The following RIMS1 variants were observed in gnomAD, a reference collection of about 807,000 sequenced individuals.
RIMS1 encodes regulating synaptic membrane exocytosis protein 1.
In RIMS1, 83 loss-of-function variants were observed where a neutral mutation model predicts 214.1. The observed-to-expected ratio is 0.39, with a 90% confidence interval of 0.32 to 0.47. The LOEUF (loss-of-function observed/expected upper bound fraction) is 0.47, where lower values mean the gene tolerates loss of function less well. Ranked by LOEUF, RIMS1 falls within the 20% of genes least tolerant of loss-of-function variation. RIMS1 has a pLI of 0.99. For synonymous variants in RIMS1, 793 were observed against 786.8 expected, an observed-to-expected ratio of 1.01 and a Z score of -0.13; for missense variants, 2,050 against 2,161.8, an observed-to-expected ratio of 0.95 and a Z score of 1.03.
At chr6:72,131,686 G>A (rs2153843221) in intron 4 of RIMS1, among the ~76,000 whole-genome samples, 1 of 152,302 alleles carries the variant, frequency 6.6e-6, no homozygotes, top group Middle Eastern at 3.4e-3. Context: ...CATTGTCATT[G>A]ATAACATCTT....
intron 29 of RIMS1, among the ~76,000 whole-genome samples, chr6:72,347,083 A>G (rs2097291124): frequency 6.6e-6 from 1 of 151,834 alleles, no homozygotes. Flanking sequence ...TCATGTTTAC[A>G]TTTATACCAT....
intron 1 of RIMS1, among the ~76,000 whole-genome samples, chr6:71,961,913 G>A (rs1282680013): frequency 6.6e-6 from 1 of 152,076 alleles, no homozygotes; most frequent in Non-Finnish European, 1.5e-5. Context: ...AAAGCAAATG[G>A]GAGAATGAAT....
chr6:72,267,366 C>A lies in RIMS1; in HGVS notation c.3398+1317C>A, dbSNP rs181283457. ...TCTCAAGTTAGTGGAATCTTCTGACCATAGCAGCCTGACATTTTTAATATT... is the reference window on the plus strand; with the variant it reads ...TCTCAAGTTAGTGGAATCTTCTGACAATAGCAGCCTGACATTTTTAATATT... On this transcript the variant is annotated intron_variant, in intron 22 of 33. Transcript: ENST00000521978. Among the ~76,000 whole-genome samples the A allele has an allele frequency of 3.2e-3, 490 of 152,092 alleles. 3 individuals carry two copies. Among genetic ancestry groups the A allele is most frequent in the African/African-American group, 0.011 (469 of 41,496 alleles).
chr6:72,330,748 G>A (rs987439024), intron 28 of RIMS1, among the ~76,000 whole-genome samples: 2 of 151,798 alleles, frequency 1.3e-5, no homozygotes, highest in East Asian at 3.9e-4. Flanking sequence ...AAATGGGGCA[G>A]TAGAAAGCAT....
Position 72,259,028 on chromosome 6 carries a change from A to T in RIMS1, c.2970A>T (p.Pro990=), listed in dbSNP as rs1442935066. Residue 990 remains proline, a synonymous_variant, in exon 18 of 34, where the codon CCA becomes CCT. Coordinates refer to ENST00000521978, the MANE Select transcript of RIMS1 (RefSeq NM_014989.7). ...EIHPTRRSRS[P]TRHHDASRSP... is the part of the protein sequence containing the mutation. ...ATCCAACAAGAAGGTCACGTTCTCC[A>T]ACCAGACACCATGATGCCTCCCGAA... 1 of 1,612,782 alleles carries T rather than the reference A, an allele frequency of 6.2e-7. No homozygotes were observed. Among genetic ancestry groups the T allele is most frequent in the Admixed American group, 1.7e-5 (1 of 59,962 alleles).
intron 1 of RIMS1, among the ~76,000 whole-genome samples, chr6:71,898,611 A>C (rs1772607860): frequency 6.6e-6 from 1 of 152,142 alleles, no homozygotes; most frequent in Non-Finnish European, 1.5e-5. Flanking sequence ...GCTCACCTGC[A>C]AATACCTGTA....
intron 29 of RIMS1, among the ~76,000 whole-genome samples, chr6:72,345,292 G>A (rs1043977693): frequency 2.6e-5 from 4 of 151,172 alleles, no homozygotes; most frequent in African/African-American, 9.8e-5. Flanking sequence ...CAAAGTCAGT[G>A]TGAAAATGAT....
chr6:72,004,646 C>T (rs1806711530), intron 2 of RIMS1, among the ~76,000 whole-genome samples: 1 of 150,632 alleles, frequency 6.6e-6, no homozygotes, highest in African/African-American at 2.4e-5. Context: ...TTTCATGTGT[C>T]TTTTGGCTGC....
In RIMS1 at chr6:72,331,004, C is replaced by G. The variant is rs185866899; in HGVS notation, c.4131-2596C>G. ...AATCATTTTTCATATAACTTAACCC[C>G]CTCCCAATGATAACACTTGTTATAC... On this transcript the variant is annotated intron_variant, in intron 28 of 33. Coordinates refer to ENST00000521978, the MANE Select transcript of RIMS1 (RefSeq NM_014989.7). 8.2e-4 allele frequency among the ~76,000 whole-genome samples: 125 copies of G among 151,612 alleles called. 1 individual carries two copies. Among genetic ancestry groups the G allele is most frequent in the East Asian group, 1.9e-4 (1 of 5,144 alleles).
At chr6:72,148,331 G>A (rs1357884777) in intron 4 of RIMS1, among the ~76,000 whole-genome samples, 3 of 152,160 alleles carry the variant, frequency 2.0e-5, no homozygotes, top group Non-Finnish European at 2.9e-5. Flanking sequence ...AGGAGGAAAA[G>A]GCATCCCTTT....
At position 72,233,818 on chromosome 6, in the gene RIMS1, G is replaced by A. The variant is rs760384666; in HGVS notation, c.1724G>A (p.Arg575Gln). ...YWLDPATWHS[R>Q]ETSPISSHPV... ...TTGGATCCTGCCACGTGGCACAGCCGGGAGACATCACCTATTAGTTCGGTA... is the reference window on the plus strand; with the variant it reads ...TTGGATCCTGCCACGTGGCACAGCCAGGAGACATCACCTATTAGTTCGGTA... The change falls in exon 7 of 34, where the codon CGG becomes CAG. Residue 575 changes from arginine to glutamine, a missense_variant. Around this residue, in one of 6 missense-constraint regions of RIMS1, gnomAD observed 882 missense variants for 828.9 expected, o/e 1.06. Coordinates refer to ENST00000521978, the MANE Select transcript of RIMS1 (RefSeq NM_014989.7). The A allele has an allele frequency of 2.3e-5, 36 of 1,581,218 alleles. No homozygotes were observed. The African/African-American group carries it at 3.0e-4, about 13-fold the overall frequency.
intron 2 of RIMS1, among the ~76,000 whole-genome samples, chr6:72,024,309 T>G (rs1815658674): frequency 6.6e-6 from 1 of 152,178 alleles, no homozygotes; most frequent in African/African-American, 2.4e-5. Flanking sequence ...ATTGTAGTTT[T>G]CTCTAGCAAG....
Position 72,313,655 on chromosome 6 carries a change from C to A in RIMS1, c.4113C>A (p.Arg1371=). The A allele has an allele frequency of 6.2e-7, 1 of 1,612,710 alleles. No homozygotes were observed. Among genetic ancestry groups the A allele is most frequent in the Non-Finnish European group, 8.5e-7 (1 of 1,179,226 alleles). ...GCTTTATGTCAGAGCAATCTGAGCGCCCCAGGGGTAGAATCAGGTGAGTTG... is the reference window on the plus strand; with the variant it reads ...GCTTTATGTCAGAGCAATCTGAGCGACCCAGGGGTAGAATCAGGTGAGTTG... ...STSFMSEQSE[R]PRGRISSFTP... The change falls in exon 28 of 34, where the codon CGC becomes CGA. Residue 1371 remains arginine, a synonymous_variant. Coordinates refer to ENST00000521978, the MANE Select transcript of RIMS1 (RefSeq NM_014989.7).
intron 2 of RIMS1, among the ~76,000 whole-genome samples, chr6:72,010,645 A>G (rs774704044): frequency 4.6e-5 from 7 of 152,220 alleles, no homozygotes; most frequent in Non-Finnish European, 8.8e-5. Flanking sequence ...CAGGATACAA[A>G]ATCAATGTGC....
intron 2 of RIMS1, among the ~76,000 whole-genome samples, chr6:72,072,702 A>T (rs1284310102): frequency 6.6e-6 from 1 of 152,306 alleles, no homozygotes; most frequent in East Asian, 1.9e-4. Context: ...TCCTGCCCTC[A>T]AGCAGCTCCC....
intron 2 of RIMS1, among the ~76,000 whole-genome samples, chr6:71,991,479 G>A (rs1315134324): frequency 2.0e-5 from 3 of 152,140 alleles, no homozygotes; most frequent in Admixed American, 1.3e-4. Context: ...ACTGAGTGTA[G>A]TTTATTTAGT....
At chr6:72,283,447 TA>T (rs1371864820) in intron 23 of RIMS1, among the ~76,000 whole-genome samples, 2 of 152,314 alleles carry the variant, frequency 1.3e-5, no homozygotes, top group South Asian at 2.1e-4. Context: ...TGTGTGCTTT[TA>T]AAAATGCTAT....
intron 29 of RIMS1, among the ~76,000 whole-genome samples, chr6:72,348,103 T>C (rs2097326584): frequency 6.6e-6 from 1 of 151,974 alleles, no homozygotes; most frequent in Admixed American, 6.6e-5. Context: ...TTTAACATTG[T>C]GACAAGCAAG....
chr6:72,336,505 G>A (rs2096849283), intron 29 of RIMS1, among the ~76,000 whole-genome samples: 2 of 151,722 alleles, frequency 1.3e-5, no homozygotes, highest in Admixed American at 6.6e-5. Context: ...TGTACAGGTG[G>A]AAAAAGGAAA....
Sources: gnomAD v4.1 joint callset for allele counts (sites outside exome capture counted in the v4.1 genomes callset) on GRCh38, gnomAD v4.1.1 for gene constraint, gnomAD v4.1.1 regional missense constraint, MANE v1.5 for transcripts, NCBI Gene and HGNC (gene_info 2026-07-23, HGNC 2026-07-21) for gene names.